Variants in AAGAB observed in about 807,000 individuals in gnomAD.
AAGAB encodes alpha and gamma adaptin binding protein, also known as alpha- and gamma-adaptin-binding protein p34.
A neutral mutation model predicts 44.1 loss-of-function variants in AAGAB; 38 were observed. That is an observed-to-expected ratio of 0.86 (90% CI 0.67 to 1.13). The LOEUF (loss-of-function observed/expected upper bound fraction) is 1.13, where lower values mean the gene tolerates loss of function less well. Among genes scored for constraint, AAGAB ranks in the 50% most tolerant of loss-of-function variants. AAGAB has a pLI of 0.00. For synonymous variants in AAGAB, 131 were observed against 131.8 expected (o/e 0.99, Z 0.04); for missense variants, 450 against 373.8 (o/e 1.20, Z -1.68).
At chr15:67,234,988 C>A (rs1964428109) in intron 4 of AAGAB, among the ~76,000 whole-genome samples, 1 of 152,136 alleles carries the variant, frequency 6.6e-6, no homozygotes, top group African/African-American at 2.4e-5. Flanking sequence ...AAAAATATTT[C>A]TTAATTCCTT....
intron 5 of AAGAB, among the ~76,000 whole-genome samples, chr15:67,212,925 G>A (rs1015138038): frequency 6.6e-6 from 1 of 152,158 alleles, no homozygotes; most frequent in Non-Finnish European, 1.5e-5. Flanking sequence ...TCAGGGCATG[G>A]AAATGTCATC....
chr15:67,225,682 G>A (rs1449876903), intron 5 of AAGAB, among the ~76,000 whole-genome samples: 2 of 152,014 alleles, frequency 1.3e-5, no homozygotes, highest in African/African-American at 2.4e-5. Context: ...TTTTCACTTA[G>A]CATAATGTTT....
chr15:67,240,966 T>C (rs4776348), intron 1 of AAGAB, among the ~76,000 whole-genome samples: 31,744 of 151,632 alleles, frequency 0.21, 4,052 homozygotes, highest in East Asian at 0.47. Flanking sequence ...CAGGTGATAC[T>C]CTCTTTAGCA....
Position 67,201,319 on chromosome 15 carries a change from C to T in AAGAB, c.*1502G>A, listed in dbSNP as rs1278311438. 6.6e-6 allele frequency: 1 copy of T among 151,324 alleles called. No homozygotes were observed. The highest frequency in any genetic ancestry group is 2.4e-5 in the African/African-American group (1 of 41,200). The allele number at this position is 151,324 out of a possible 1,614,324, so 9.4% of individuals were successfully genotyped here. The stretch of plus-strand genomic sequence containing the variant: ...AAAAAAAAAAAGGAACAAAAGGTCA[C>T]TAAGCAATGTCCAGTGTTCCCTGGA... On this transcript the variant is annotated 3_prime_UTR_variant, in exon 10 of 10. Transcript: ENST00000261880.
chr15:67,245,655 G>A (rs1275696750), intron 1 of AAGAB, among the ~76,000 whole-genome samples: 2 of 152,166 alleles, frequency 1.3e-5, no homozygotes, highest in Admixed American at 6.5e-5. Context: ...CAGAAACTGG[G>A]AGATACTGAC....
intron 5 of AAGAB, among the ~76,000 whole-genome samples, chr15:67,230,331 T>A (rs1964306678): frequency 6.6e-6 from 1 of 152,146 alleles, no homozygotes; most frequent in Non-Finnish European, 1.5e-5. Flanking sequence ...CTCCAGTATC[T>A]TAGAATGTGA....
At chr15:67,222,508 T>C (rs907763256) in intron 5 of AAGAB, among the ~76,000 whole-genome samples, 1 of 152,032 alleles carries the variant, frequency 6.6e-6, no homozygotes, top group African/African-American at 2.4e-5. Context: ...CTGAGAAAAT[T>C]TATGCAATCA....
Position 67,235,959 on chromosome 15 carries a change from C to T in AAGAB, c.451+20G>A. On this transcript the variant is annotated intron_variant, in intron 4 of 9. Transcript: ENST00000261880. ...CTCATATCTAAGTGCCATATTTTCT[C>T]CTAACACATAAACACTTACCATCCT... 1 of 1,531,794 alleles carries T rather than the reference C, an allele frequency of 6.5e-7. No individual in the cohort carries two copies. Among genetic ancestry groups the T allele is most frequent in the Non-Finnish European group, 9.0e-7 (1 of 1,115,916 alleles). The allele number at this position is 1,531,794 out of a possible 1,614,324, so 94.9% of individuals were successfully genotyped here.
At chr15:67,228,724 T>C (rs757948568) in intron 5 of AAGAB, among the ~76,000 whole-genome samples, 3 of 152,098 alleles carry the variant, frequency 2.0e-5, no homozygotes, top group Non-Finnish European at 4.4e-5. Context: ...AGAATCAACC[T>C]ACATGCCCAT....
At chr15:67,230,660 G>A (rs560287152) in intron 5 of AAGAB, among the ~76,000 whole-genome samples, 1 of 152,272 alleles carries the variant, frequency 6.6e-6, no homozygotes, top group African/African-American at 2.4e-5. Flanking sequence ...ATGTCATATG[G>A]TTTGTGGTAC....
At chr15:67,253,817 A>C (rs1275592753) in intron 1 of AAGAB, among the ~76,000 whole-genome samples, 1 of 152,214 alleles carries the variant, frequency 6.6e-6, no homozygotes, top group African/African-American at 2.4e-5. Context: ...GCTCGAGATC[A>C]TACAGCTAAG....
intron 1 of AAGAB, among the ~76,000 whole-genome samples, chr15:67,246,758 T>C (rs930114703): frequency 6.0e-5 from 9 of 150,864 alleles, no homozygotes; most frequent in Admixed American, 2.0e-4. Flanking sequence ...GGATTGTAAA[T>C]GCACCAATCA....
chr15:67,231,296 C>T (rs1353354736), intron 5 of AAGAB, among the ~76,000 whole-genome samples: 1 of 152,222 alleles, frequency 6.6e-6, no homozygotes, highest in Admixed American at 6.5e-5. Context: ...TCTCCACTTG[C>T]CGTTCTCCCC....
rs1430448744 is a variant in AAGAB at position 67,242,219 on chromosome 15, C to T, written c.74-5399G>A. 3.2e-5 allele frequency among the ~76,000 whole-genome samples: 3 copies of T among 94,864 alleles called. 1 individual carries two copies. The highest frequency in any genetic ancestry group is 9.1e-5 in the African/African-American group (3 of 32,900). 62.2% of individuals were successfully genotyped at this position (94,864 alleles called of 152,430 possible). ...CGGGTGGATCATGAGGTCAGGAGAT[C>T]GAGACCATCCTGGCTAACAAGGTGA... On this transcript the variant is annotated intron_variant, in intron 1 of 9. Coordinates refer to ENST00000261880, the MANE Select transcript of AAGAB (RefSeq NM_024666.5).
intron 5 of AAGAB, among the ~76,000 whole-genome samples, chr15:67,221,928 A>G (rs966681073): frequency 1.3e-5 from 2 of 152,070 alleles, no homozygotes; most frequent in African/African-American, 4.8e-5. Flanking sequence ...CCCAGACCTT[A>G]TTATTACCAA....
At chr15:67,213,325 G>A (rs1373542935) in intron 5 of AAGAB, among the ~76,000 whole-genome samples, 2 of 151,986 alleles carry the variant, frequency 1.3e-5, no homozygotes, top group African/African-American at 4.8e-5. Flanking sequence ...ATTTTAAATT[G>A]GAAATTCTTA....
Position 67,236,422 on chromosome 15 carries a change from C to CT in AAGAB, c.346dup (p.Arg116LysfsTer4), listed in dbSNP as rs771975734. ...ACAGGCCTTACCATCTTCAGACACT[C>CT]TATCGCAGACCAAGATCATCACCTC... On this transcript the variant is annotated frameshift_variant, in exon 3 of 10. Coordinates refer to ENST00000261880, the MANE Select transcript of AAGAB (RefSeq NM_024666.5). LOFTEE classifies it high-confidence loss of function. 6 of 1,614,082 alleles carry CT rather than the reference C, an allele frequency of 3.7e-6. No homozygotes were observed. The highest frequency in any genetic ancestry group is 5.1e-6 in the Non-Finnish European group (6 of 1,179,968).
intron 7 of AAGAB, among the ~76,000 whole-genome samples, chr15:67,205,480 C>G (rs750690616): frequency 6.6e-6 from 1 of 152,100 alleles, no homozygotes; most frequent in Non-Finnish European, 1.5e-5. Flanking sequence ...AGTTTAAATG[C>G]AGCAATGAAG....
At chr15:67,204,747 C>T (rs373255797) in intron 7 of AAGAB, among the ~76,000 whole-genome samples, 1 of 152,262 alleles carries the variant, frequency 6.6e-6, no homozygotes. Context: ...TCTACCTTGG[C>T]ACACTGCTTC....
Sources: allele counts gnomAD v4.1 joint callset (sites outside exome capture counted in the v4.1 genomes callset), GRCh38; gene constraint gnomAD v4.1.1; transcripts MANE v1.5; gene names NCBI Gene and HGNC (gene_info 2026-07-23, HGNC 2026-07-21).